The following TMEM150C variants were observed in gnomAD, a reference collection of about 807,000 sequenced individuals.
TMEM150C encodes transmembrane protein 150C.
A neutral mutation model predicts 29.9 loss-of-function variants in TMEM150C; 10 were observed. The observed-to-expected ratio is 0.33, with a 90% CI of 0.21 to 0.57. The LOEUF (loss-of-function observed/expected upper bound fraction) is 0.57. Ranked by LOEUF, TMEM150C falls within the 20% of genes least tolerant of loss-of-function variation. TMEM150C has a pLI of 0.88. For missense variants in TMEM150C, 251 were observed against 303.6 expected (o/e 0.83, Z 1.29); for synonymous variants, 101 against 112.5 (o/e 0.90, Z 0.64).
intron 1 of TMEM150C, among the ~76,000 whole-genome samples, chr4:82,554,603 T>A (rs918927785): frequency 5.3e-5 from 8 of 152,208 alleles, no homozygotes; most frequent in Non-Finnish European, 8.8e-5. Flanking sequence ...GAGTACGAAA[T>A]CTACTTTGTT....
intron 1 of TMEM150C, among the ~76,000 whole-genome samples, chr4:82,522,292 G>C (rs138956200): frequency 5.1e-4 from 77 of 152,318 alleles, no homozygotes; most frequent in African/African-American, 1.7e-3. Flanking sequence ...ACAATGTAGA[G>C]AGACGAAAAC....
At position 82,496,122 on chromosome 4, in the gene TMEM150C, T is replaced by G. The variant is rs1184990869; in HGVS notation, c.309A>C (p.Gly103=). 6.2e-7 allele frequency: 1 copy of G among 1,613,804 alleles called. No homozygotes were observed. Among genetic ancestry groups the G allele is most frequent in the Non-Finnish European group, 8.5e-7 (1 of 1,179,876 alleles). ...AGGAAGCCAGACACAGAGCCACCAA[T>G]CCACTAATATTCAGCCACGGGTTTA... ...KVLNPWLNIS[G]LVALCLASFG... is the part of the protein sequence containing the mutation. Residue 103 remains glycine (G), a synonymous_variant, in exon 6 of 8, where the codon GGA becomes GGC. Coordinates refer to ENST00000449862, the MANE Select transcript of TMEM150C (RefSeq NM_001080506.3).
At chr4:82,552,919 T>C (rs1305766731) in intron 1 of TMEM150C, among the ~76,000 whole-genome samples, 2 of 152,210 alleles carry the variant, frequency 1.3e-5, no homozygotes, top group African/African-American at 4.8e-5. Context: ...GTGCTGCATC[T>C]TAGGGCAGCA....
intron 1 of TMEM150C, among the ~76,000 whole-genome samples, chr4:82,524,973 G>T (rs547206744): frequency 1.3e-5 from 2 of 152,326 alleles, no homozygotes; most frequent in African/African-American, 4.8e-5. Context: ...TACCGATGAG[G>T]AGGATTACAG....
intron 1 of TMEM150C, among the ~76,000 whole-genome samples, chr4:82,531,469 T>C (rs1189030611): frequency 6.6e-6 from 1 of 151,876 alleles, no homozygotes; most frequent in Non-Finnish European, 1.5e-5. Flanking sequence ...AAAGTGGTCA[T>C]AGAAGGGCCA....
intron 1 of TMEM150C, among the ~76,000 whole-genome samples, chr4:82,513,124 C>A (rs112892992): frequency 6.0e-4 from 92 of 152,338 alleles, no homozygotes; most frequent in East Asian, 1.4e-3. Context: ...GGGTCCTTGA[C>A]CCCCGTGCCT....
intron 1 of TMEM150C, among the ~76,000 whole-genome samples, chr4:82,529,586 C>T (rs1487484724): frequency 1.3e-5 from 2 of 152,166 alleles, no homozygotes; most frequent in East Asian, 3.9e-4. Context: ...CTATGCCCAC[C>T]TGTAAGAGTT....
At chr4:82,516,263 C>A (rs951856393) in intron 1 of TMEM150C, among the ~76,000 whole-genome samples, 8 of 152,176 alleles carry the variant, frequency 5.3e-5, no homozygotes, top group Admixed American at 1.3e-4. Flanking sequence ...TAAACTCGAA[C>A]CTCCTCCTCA....
intron 6 of TMEM150C, among the ~76,000 whole-genome samples, chr4:82,491,942 T>G (rs1430377261): frequency 6.6e-6 from 1 of 152,070 alleles, no homozygotes; most frequent in African/African-American, 2.4e-5. Flanking sequence ...TCTTGTTTTT[T>G]TTTTTGGTTT....
rs181595199 is a variant in TMEM150C, at chr4:82,495,269, C to T, written c.363+799G>A. On this transcript the variant is annotated intron_variant, in intron 6 of 7. Coordinates refer to ENST00000449862, the MANE Select transcript of TMEM150C (RefSeq NM_001080506.3). The stretch of plus-strand genomic sequence containing the variant: ...CATCCTGGCTAACAAGGTGAAACTC[C>T]GTCTCTACTAAAAATACAAAAATTT... 297 of 226,362 alleles carry T rather than the reference C, an allele frequency of 1.3e-3. 1 individual carries two copies. The highest frequency in any genetic ancestry group is 6.6e-3 in the African/African-American group (281 of 42,558). The allele number at this position is 226,362 out of a possible 1,614,324, so 14.0% of individuals were successfully genotyped here. A position where few individuals can be genotyped will look rare whatever the true frequency, so the allele number is the denominator to read the frequency against.
chr4:82,502,612 G>A (rs1430429175), intron 5 of TMEM150C, 115 bp downstream of exon 5: 18 of 1,033,208 alleles, frequency 1.7e-5, no homozygotes, highest in South Asian at 1.2e-4. Flanking sequence ...TATTGACATC[G>A]TATGATACTA....
At chr4:82,537,281 G>C (rs370702414) in intron 1 of TMEM150C, among the ~76,000 whole-genome samples, 1 of 152,070 alleles carries the variant, frequency 6.6e-6, no homozygotes, top group African/African-American at 2.4e-5. Context: ...CACCGCGTCC[G>C]GCCCAACTTC....
chr4:82,485,668 C>T lies in TMEM150C; in HGVS notation c.593G>A (p.Trp198Ter). 6.2e-7 allele frequency: 1 copy of T among 1,609,800 alleles called. No homozygotes were observed. Among genetic ancestry groups the T allele is most frequent in the Non-Finnish European group, 8.5e-7 (1 of 1,178,182 alleles). ...SIHMYAARVQ[W>*]GLVMCFLSYF... The stretch of plus-strand genomic sequence containing the variant: ...AGACAGGAAGCACATGACCAGGCCC[C>T]ACTGGACCCTGGCTGCATACATGTG... Residue 198 changes from tryptophan (W) to a stop codon, truncating the protein, a stop_gained, in exon 8 of 8, where the codon TGG becomes TAG. Coordinates refer to ENST00000449862, the MANE Select transcript of TMEM150C (RefSeq NM_001080506.3). LOFTEE classifies it high-confidence loss of function.
At chr4:82,542,997 T>A (rs1170241931) in intron 1 of TMEM150C, among the ~76,000 whole-genome samples, 1 of 152,230 alleles carries the variant, frequency 6.6e-6, no homozygotes, top group Admixed American at 6.5e-5. Flanking sequence ...ATGACTGTTA[T>A]GTATATAGCA....
chr4:82,530,755 G>A (rs1053858645), intron 1 of TMEM150C, among the ~76,000 whole-genome samples: 3 of 152,172 alleles, frequency 2.0e-5, no homozygotes, highest in Non-Finnish European at 4.4e-5. Context: ...AAAGAAAAGA[G>A]GTTTTATTGG....
At chr4:82,494,980 T>C in intron 6 of TMEM150C, 1 of 701,446 alleles carries the variant, frequency 1.4e-6, no homozygotes, top group Non-Finnish European at 2.4e-6. Context: ...GCCTCTTCCC[T>C]GTTTTTCTTA....
chr4:82,520,218 C>T (rs891270728), intron 1 of TMEM150C, among the ~76,000 whole-genome samples: 3 of 152,196 alleles, frequency 2.0e-5, no homozygotes, highest in African/African-American at 7.2e-5. Flanking sequence ...AAACAGTTAA[C>T]TGTTAATGGT....
At chr4:82,512,286 A>T (rs1215636645) in intron 1 of TMEM150C, among the ~76,000 whole-genome samples, 2 of 152,232 alleles carry the variant, frequency 1.3e-5, no homozygotes, top group African/African-American at 4.8e-5. Context: ...CAAAGTCAAC[A>T]TACTGAGAAT....
intron 1 of TMEM150C, among the ~76,000 whole-genome samples, chr4:82,542,476 G>C (rs1725229893): frequency 6.6e-6 from 1 of 152,336 alleles, no homozygotes; most frequent in Admixed American, 6.5e-5. Flanking sequence ...AGAGGGCTCT[G>C]GGATGCAGGG....
Sources: allele counts gnomAD v4.1 joint callset (sites outside exome capture counted in the v4.1 genomes callset), GRCh38; gene constraint gnomAD v4.1.1; transcripts MANE v1.5; gene names NCBI Gene and HGNC (gene_info 2026-07-23, HGNC 2026-07-21).